Variants in OR5M1 observed in about 807,000 individuals in gnomAD.
OR5M1 encodes the protein olfactory receptor family 5 subfamily M member 1.
For synonymous variants in OR5M1, 165 were observed against 144.2 expected (o/e 1.14, Z -1.04); for missense variants, 367 against 379.5 (o/e 0.97, Z 0.27).
intron 1 of OR5M1, 31 bp from the exon 2 acceptor site, chr11:56,613,550 C>T: frequency 6.5e-7 from 1 of 1,541,412 alleles, no homozygotes; most frequent in Non-Finnish European, 8.9e-7. Context: ...GAGGATTTCT[C>T]TCTGATTCAG....
At position 56,609,427 on chromosome 11, in the gene OR5M1, G is replaced by T. The variant is rs530363233; in HGVS notation, c.*3128C>A. 1 of 152,032 alleles carries T rather than the reference G, an allele frequency of 6.6e-6. No homozygotes were observed. The highest frequency in any genetic ancestry group is 2.4e-5 in the African/African-American group (1 of 41,548). The allele number at this position is 152,032 out of a possible 1,614,324, so 9.4% of individuals were successfully genotyped here. A position where few individuals can be genotyped will look rare whatever the true frequency, so the allele number is the denominator to read the frequency against. Reference sequence around the variant, plus strand: ...TTTTTATTCTGTGCTTATTAGAACAGAATTATTTTCTAAGACTTCCCTTGA... The same window carrying T: ...TTTTTATTCTGTGCTTATTAGAACATAATTATTTTCTAAGACTTCCCTTGA... On this transcript the variant is annotated 3_prime_UTR_variant, in exon 2 of 2. Transcript: ENST00000641076.
Position 56,613,458 on chromosome 11 carries a change from C to T in OR5M1, c.45G>A (p.Leu15=), listed in dbSNP as rs754139931. 96 of 1,613,482 alleles carry T rather than the reference C, an allele frequency of 5.9e-5. No homozygotes were observed. The highest frequency in any genetic ancestry group is 2.2e-4 in the Admixed American group (13 of 59,966). Residue 15 remains leucine, a synonymous_variant, in exon 2 of 2, where the codon TTG becomes TTA. Transcript: ENST00000641076. The part of the protein sequence containing the change: ...NHTIVTEFIL[L]GLTDDPVLEK... ...CTAGCACTGGGTCGTCTGTCAGTCC[C>T]AAGAGAATGAATTCTGTCACTATGG...
At position 56,613,348 on chromosome 11, in the gene OR5M1, T is replaced by C. The variant is rs1294077686; in HGVS notation, c.155A>G (p.Asn52Ser). 1 of 1,613,688 alleles carries C rather than the reference T, an allele frequency of 6.2e-7. No homozygotes were observed. Among genetic ancestry groups the C allele is most frequent in the Non-Finnish European group, 8.5e-7 (1 of 1,179,664 alleles). ...ATACATGGGTGTTTGCAGGTGGGAA[T>C]TGGTCCTGATCAGCAGGATCATGCA... Reference protein sequence around the residue: ...NLCMILLIRTNSHLQTPMYFF... With the variant: ...NLCMILLIRTSSHLQTPMYFF... Residue 52 changes from asparagine (N) to serine (S), a missense_variant, in exon 2 of 2, where the codon AAT becomes AGT. Coordinates refer to ENST00000641076, the MANE Select transcript of OR5M1 (RefSeq NM_001004740.2).
chr11:56,613,075 CA>C lies in OR5M1; in HGVS notation c.427del (p.Cys143ValfsTer20). ...ATACATGTAAGGGATAGTGACCAGA[CA>C]GACACAGATGTTCTTGGACATCCTG... ...SSRMSKNICV[C>X]LVTIPYMYGF... On this transcript the variant is annotated frameshift_variant, in exon 2 of 2. Transcript: ENST00000641076. LOFTEE classifies it low-confidence loss of function (END_TRUNC). 1 of 1,564,992 alleles carries C rather than the reference CA, an allele frequency of 6.4e-7. No individual in the cohort carries two copies. Among genetic ancestry groups the C allele is most frequent in the Non-Finnish European group, 8.7e-7 (1 of 1,150,646 alleles).
rs1853660246 is a variant in OR5M1 at position 56,610,306 on chromosome 11, T to C, written c.*2249A>G. 1.3e-5 allele frequency: 2 copies of C among 152,084 alleles called. No individual in the cohort carries two copies. Among genetic ancestry groups the C allele is most frequent in the Non-Finnish European group, 2.9e-5 (2 of 67,954 alleles). 9.4% of individuals were successfully genotyped at this position (152,084 alleles called of 1,614,324 possible). ...TTTTAATTATAATGCCTATAAATTA[T>C]GTTAACCGGAATTTTCAAGGGAAAT... On this transcript the variant is annotated 3_prime_UTR_variant, in exon 2 of 2. Coordinates refer to ENST00000641076, the MANE Select transcript of OR5M1 (RefSeq NM_001004740.2).
At position 56,612,925 on chromosome 11, in the gene OR5M1, C is replaced by G. The variant is rs553800236; in HGVS notation, c.578G>C (p.Arg193Pro). ...TACAAACATTGCCATCTTTTTGACA[C>G]GGGTGTCAGAGCAGGCCAGCATGAT... The part of the protein sequence containing the change: ...PLIMLACSDT[R>P]VKKMAMFVVA... Residue 193 changes from arginine (R) to proline (P), a missense_variant, in exon 2 of 2, where the codon CGT becomes CCT. By Grantham distance (103) the Arg-to-Pro change is moderately radical. Coordinates refer to ENST00000641076, the MANE Select transcript of OR5M1 (RefSeq NM_001004740.2). 2.5e-6 allele frequency: 4 copies of G among 1,613,642 alleles called. No homozygotes were observed. In the African/African-American group the frequency reaches 4.0e-5, roughly 16 times the overall value.
chr11:56,612,631 C>T lies in OR5M1; in HGVS notation c.872G>A (p.Ser291Asn), dbSNP rs995339479. ...AAGGATTACATCTGTGTTCCGTAGG[C>T]TATAGATCAATGGGTTCAGCATTGG... is the stretch of plus-strand genomic sequence containing the variant. ...LSPMLNPLIY[S>N]LRNTDVILAM... is the part of the protein sequence containing the mutation. The change falls in exon 2 of 2, where the codon AGC becomes AAC. Residue 291 changes from serine (S) to asparagine (N), a missense_variant. Ser to Asn is a conservative substitution (Grantham distance 46). Coordinates refer to ENST00000641076, the MANE Select transcript of OR5M1 (RefSeq NM_001004740.2). 9.3e-6 allele frequency: 15 copies of T among 1,613,386 alleles called. No homozygotes were observed. The highest frequency in any genetic ancestry group is 2.7e-5 in the African/African-American group (2 of 74,882).
Position 56,613,005 on chromosome 11 carries a change from T to C in OR5M1, c.498A>G (p.Leu166=). Residue 166 remains leucine, a synonymous_variant, in exon 2 of 2, where the codon TTA becomes TTG. Transcript: ENST00000641076. ...TGATTTCAAGGGAGCCACAGAAGGATAAGTGAAAGGTTAGCAGTGACTGAG... is the reference window on the plus strand; with the variant it reads ...TGATTTCAAGGGAGCCACAGAAGGACAAGTGAAAGGTTAGCAGTGACTGAG... ...GFSQSLLTFH[L]SFCGSLEINH... The C allele has an allele frequency of 2.5e-6, 4 of 1,613,760 alleles. No homozygotes were observed. Among genetic ancestry groups the C allele is most frequent in the Non-Finnish European group, 3.4e-6 (4 of 1,179,810 alleles).
Position 56,613,524 on chromosome 11 carries a change from A to G in OR5M1, c.-17-5T>C. On this transcript the variant is annotated splice_polypyrimidine_tract_variant and splice_region_variant and intron_variant, in intron 1 of 1. Transcript: ENST00000641076. ...ACATCTTCTTATCTCTTGAAACTGA[A>G]AGTGACAAAGAATGTGAGGATTTCT... 1.3e-6 allele frequency: 2 copies of G among 1,591,322 alleles called. No individual in the cohort carries two copies. Among genetic ancestry groups the G allele is most frequent in the Non-Finnish European group, 1.7e-6 (2 of 1,161,976 alleles).
Position 56,612,976 on chromosome 11 carries a change from T to C in OR5M1, c.527A>G (p.His176Arg). Residue 176 changes from histidine (H) to arginine (R), a missense_variant, in exon 2 of 2, where the codon CAT becomes CGT. Coordinates refer to ENST00000641076, the MANE Select transcript of OR5M1 (RefSeq NM_001004740.2). ...AAGAGGAGGATCAGCGCAGTAGAAA[T>C]GATTGATTTCAAGGGAGCCACAGAA... is the stretch of plus-strand genomic sequence containing the variant. Reference protein sequence around the residue: ...LSFCGSLEINHFYCADPPLIM... With the variant: ...LSFCGSLEINRFYCADPPLIM... 1 of 1,613,648 alleles carries C rather than the reference T, an allele frequency of 6.2e-7. No homozygotes were observed. The highest frequency in any genetic ancestry group is 8.5e-7 in the Non-Finnish European group (1 of 1,179,786).
rs200195332 is a variant in OR5M1, at chr11:56,613,444, T to G, written c.59A>C (p.Asp20Ala). 2.9e-4 allele frequency: 474 copies of G among 1,613,592 alleles called. No individual in the cohort carries two copies. Among genetic ancestry groups the G allele is most frequent in the Non-Finnish European group, 3.7e-4 (441 of 1,179,638 alleles). Reference protein sequence around the residue: ...TEFILLGLTDDPVLEKILFGV... With the variant: ...TEFILLGLTDAPVLEKILFGV... The stretch of plus-strand genomic sequence containing the variant: ...AAACAGGATCTTCTCTAGCACTGGG[T>G]CGTCTGTCAGTCCCAAGAGAATGAA... The change falls in exon 2 of 2, where the codon GAC becomes GCC. Residue 20 changes from aspartate (D) to alanine (A), a missense_variant. Asp to Ala is a moderately radical substitution (Grantham distance 126). Coordinates refer to ENST00000641076, the MANE Select transcript of OR5M1 (RefSeq NM_001004740.2).
rs986420441 is a variant in OR5M1, at chr11:56,610,312, C to A, written c.*2243G>T. On this transcript the variant is annotated 3_prime_UTR_variant, in exon 2 of 2. Coordinates refer to ENST00000641076, the MANE Select transcript of OR5M1 (RefSeq NM_001004740.2). The stretch of plus-strand genomic sequence containing the variant: ...TTATAATGCCTATAAATTATGTTAA[C>A]CGGAATTTTCAAGGGAAATTCTCAT... 1 of 152,126 alleles carries A rather than the reference C, an allele frequency of 6.6e-6. No homozygotes were observed. Among genetic ancestry groups the A allele is most frequent in the Non-Finnish European group, 1.5e-5 (1 of 67,950 alleles). 9.4% of individuals were successfully genotyped at this position (152,126 alleles called of 1,614,324 possible). A position where few individuals can be genotyped will look rare whatever the true frequency, so the allele number is the denominator to read the frequency against.
chr11:56,609,992 AT>A lies in OR5M1; in HGVS notation c.*2562del, dbSNP rs1363361086. The A allele has an allele frequency of 2.0e-5, 3 of 152,060 alleles. No homozygotes were observed. Among genetic ancestry groups the A allele is most frequent in the African/African-American group, 7.2e-5 (3 of 41,458 alleles). 9.4% of individuals were successfully genotyped at this position (152,060 alleles called of 1,614,324 possible). A position where few individuals can be genotyped will look rare whatever the true frequency, so the allele number is the denominator to read the frequency against. On this transcript the variant is annotated 3_prime_UTR_variant, in exon 2 of 2. Transcript: ENST00000641076. ...ATATCAAGTGAAAATCAGTGTTCAA[AT>A]TTGTATATGATAAGTGATTTCACAT...
Position 56,610,204 on chromosome 11 carries a change from T to C in OR5M1, c.*2351A>G, listed in dbSNP as rs1371588928. 6.6e-6 allele frequency: 1 copy of C among 152,040 alleles called. No individual in the cohort carries two copies. Among genetic ancestry groups the C allele is most frequent in the Non-Finnish European group, 1.5e-5 (1 of 67,946 alleles). 9.4% of individuals were successfully genotyped at this position (152,040 alleles called of 1,614,324 possible). On this transcript the variant is annotated 3_prime_UTR_variant, in exon 2 of 2. Transcript: ENST00000641076. ...TGCCTTTGCGACTGGGAAAATATATTAATAAAATGCAGCCTAAATAGCATA... is the reference window on the plus strand; with the variant it reads ...TGCCTTTGCGACTGGGAAAATATATCAATAAAATGCAGCCTAAATAGCATA...
In OR5M1 at chr11:56,613,204, T is replaced by C. The variant is rs1034783122; in HGVS notation, c.299A>G (p.Gln100Arg). 2.5e-6 allele frequency: 4 copies of C among 1,613,756 alleles called. No homozygotes were observed. The Admixed American group carries it at 5.0e-5, about 20-fold the overall frequency. ...KTISYAGCFT[Q>R]CLLFIALVIT... is the part of the protein sequence containing the mutation. ...CACCAGGGCGATGAAGAGAAGACAC[T>C]GTGTGAAGCATCCAGCGTAGGAGAT... is the stretch of plus-strand genomic sequence containing the variant. The change falls in exon 2 of 2, where the codon CAG becomes CGG. Residue 100 changes from glutamine to arginine, a missense_variant. Physicochemically the swap from Gln to Arg is conservative, Grantham distance 43 (BLOSUM62 1). Coordinates refer to ENST00000641076, the MANE Select transcript of OR5M1 (RefSeq NM_001004740.2).
rs1430445841 is a variant in OR5M1 at position 56,612,388 on chromosome 11, C to A, written c.*167G>T. On this transcript the variant is annotated 3_prime_UTR_variant, in exon 2 of 2. Coordinates refer to ENST00000641076, the MANE Select transcript of OR5M1 (RefSeq NM_001004740.2). ...CATTTTAAATTTCTCAACATTAAGGCTTTTATTTCTAAGAAATCAATCTTC... is the reference window on the plus strand; with the variant it reads ...CATTTTAAATTTCTCAACATTAAGGATTTTATTTCTAAGAAATCAATCTTC... The A allele has an allele frequency of 4.3e-6, 2 of 460,112 alleles. No individual in the cohort carries two copies. The highest frequency in any genetic ancestry group is 7.7e-6 in the Non-Finnish European group (2 of 259,970). 28.5% of individuals were successfully genotyped at this position (460,112 alleles called of 1,614,324 possible). A position where few individuals can be genotyped will look rare whatever the true frequency, so the allele number is the denominator to read the frequency against.
In OR5M1 at chr11:56,613,080, A is replaced by G. The variant is rs1258989756; in HGVS notation, c.423T>C (p.Cys141=). ...TGTAAGGGATAGTGACCAGACAGAC[A>G]CAGATGTTCTTGGACATCCTGGAAC... The part of the protein sequence containing the change: ...HYSSRMSKNI[C]VCLVTIPYMY... Residue 141 remains cysteine (C), a synonymous_variant, in exon 2 of 2, where the codon TGT becomes TGC. Coordinates refer to ENST00000641076, the MANE Select transcript of OR5M1 (RefSeq NM_001004740.2). 9 of 1,613,818 alleles carry G rather than the reference A, an allele frequency of 5.6e-6. No homozygotes were observed. The highest frequency in any genetic ancestry group is 6.8e-6 in the Non-Finnish European group (8 of 1,179,802).
In OR5M1 at chr11:56,610,559, T is replaced by C. The variant is rs190818042; in HGVS notation, c.*1996A>G. 3.9e-5 allele frequency: 6 copies of C among 152,162 alleles called. No individual in the cohort carries two copies. The East Asian group carries it at 1.2e-3, about 29-fold the overall frequency. 9.4% of individuals were successfully genotyped at this position (152,162 alleles called of 1,614,324 possible). A position where few individuals can be genotyped will look rare whatever the true frequency, so the allele number is the denominator to read the frequency against. The stretch of plus-strand genomic sequence containing the variant: ...GGCCAAATGACTTTGGGCAAGAAAT[T>C]TAATCTCTCCGTGCCTCAGGCTCCA... On this transcript the variant is annotated 3_prime_UTR_variant, in exon 2 of 2. Coordinates refer to ENST00000641076, the MANE Select transcript of OR5M1 (RefSeq NM_001004740.2).
In OR5M1 at chr11:56,612,903, A is replaced by G; in HGVS notation, c.600T>C (p.Phe200=). Residue 200 remains phenylalanine, a synonymous_variant, in exon 2 of 2, where the codon TTT becomes TTC. Transcript: ENST00000641076. ...TTGAGAGATTAAAGCCTGCAACTAC[A>G]AACATTGCCATCTTTTTGACACGGG... ...SDTRVKKMAM[F]VVAGFNLSSS... is the part of the protein sequence containing the mutation. 2 of 1,613,790 alleles carry G rather than the reference A, an allele frequency of 1.2e-6. No homozygotes were observed. The highest frequency in any genetic ancestry group is 1.7e-6 in the Non-Finnish European group (2 of 1,179,748).
Sources: allele counts gnomAD v4.1 joint callset, GRCh38; gene constraint gnomAD v4.1.1; transcripts MANE v1.5; gene names NCBI Gene and HGNC (gene_info 2026-07-23, HGNC 2026-07-21).